CLPB: variants seen among roughly 807,000 people sequenced by gnomAD.
CLPB encodes mitochondrial disaggregase.
CLPB carries 40 observed loss-of-function variants against 78.4 expected under a neutral mutation model. The ratio of observed to expected loss-of-function variants is 0.51; its 90% confidence interval spans 0.40 to 0.66. CLPB has a LOEUF of 0.66. Ranked by LOEUF, CLPB falls within the 30% of genes least tolerant of loss-of-function variation. The pLI, the probability that CLPB is intolerant of heterozygous loss-of-function variation, is 0.00. For missense variants in CLPB, 780 were observed against 886.9 expected (o/e 0.88, Z 1.53); for synonymous variants, 333 against 348.0 (o/e 0.96, Z 0.48).
At chr11:72,319,674 T>G (rs1274490246) in intron 6 of CLPB, among the ~76,000 whole-genome samples, 1 of 152,214 alleles carries the variant, frequency 6.6e-6, no homozygotes, top group East Asian at 1.9e-4. Context: ...GTAGGATCCT[T>G]GTGGAATGCC....
rs1364507472 is a variant in CLPB at position 72,289,935 on chromosome 11, T to C, written c.*3432A>G. 2 of 152,190 alleles carry C rather than the reference T, an allele frequency of 1.3e-5. No individual in the cohort carries two copies. The highest frequency in any genetic ancestry group is 4.8e-5 in the African/African-American group (2 of 41,430). The allele number at this position is 152,190 out of a possible 1,614,324, so 9.4% of individuals were successfully genotyped here. The stretch of plus-strand genomic sequence containing the variant: ...ATAAATTCAGGTGCTTGTATTTGCA[T>C]GTTTTAACATATATACATATATGTT... On this transcript the variant is annotated 3_prime_UTR_variant, in exon 16 of 16. Transcript: ENST00000538039.
chr11:72,391,773 C>A (rs1855260472), intron 3 of CLPB, among the ~76,000 whole-genome samples: 1 of 152,158 alleles, frequency 6.6e-6, no homozygotes, highest in South Asian at 2.1e-4. Flanking sequence ...GGAGGGTGGT[C>A]ACTAAGTGGC....
chr11:72,295,689 G>A (rs755307884), intron 11 of CLPB, 41 bp from the exon 12 acceptor site: 2 of 1,606,164 alleles, frequency 1.2e-6, no homozygotes, highest in African/African-American at 2.7e-5. Context: ...AGGGAGCTAT[G>A]TGCCTGGGCA....
At chr11:72,313,995 C>T (rs1949894287) in intron 7 of CLPB, among the ~76,000 whole-genome samples, 1 of 152,142 alleles carries the variant, frequency 6.6e-6, no homozygotes, top group Non-Finnish European at 1.5e-5. Flanking sequence ...AACTCCACAA[C>T]CCAGGGATGA....
At chr11:72,400,279 T>A (rs1855524090) in intron 3 of CLPB, among the ~76,000 whole-genome samples, 1 of 152,188 alleles carries the variant, frequency 6.6e-6, no homozygotes, top group African/African-American at 2.4e-5. Flanking sequence ...GTGTGCTATT[T>A]TCAGTAAAAA....
chr11:72,337,850 T>A (rs527473798), intron 5 of CLPB, among the ~76,000 whole-genome samples: 1 of 152,248 alleles, frequency 6.6e-6, no homozygotes, highest in South Asian at 2.1e-4. Context: ...GATAGACAGC[T>A]TTGTAGAAAG....
chr11:72,318,077 A>G (rs1949981033), intron 6 of CLPB, among the ~76,000 whole-genome samples: 1 of 152,204 alleles, frequency 6.6e-6, no homozygotes. Flanking sequence ...AAAACACAAA[A>G]ACCTACTTGA....
intron 5 of CLPB, among the ~76,000 whole-genome samples, chr11:72,346,448 T>G (rs2135580353): frequency 6.6e-6 from 1 of 152,106 alleles, no homozygotes; most frequent in South Asian, 2.1e-4. Flanking sequence ...GGTACTCAGA[T>G]TTCACACTCT....
chr11:72,345,722 A>G (rs983628491), intron 5 of CLPB, among the ~76,000 whole-genome samples: 3 of 152,238 alleles, frequency 2.0e-5, no homozygotes, highest in African/African-American at 7.2e-5. Context: ...TAAAACTGAG[A>G]GCAAATTGAA....
At chr11:72,341,090 G>A (rs1158069426) in intron 5 of CLPB, among the ~76,000 whole-genome samples, 5 of 152,170 alleles carry the variant, frequency 3.3e-5, no homozygotes, top group Admixed American at 2.6e-4. Flanking sequence ...AAAGTGCTGG[G>A]ATTACAGGCG....
At chr11:72,390,921 C>A (rs750446932) in intron 3 of CLPB, among the ~76,000 whole-genome samples, 1 of 152,174 alleles carries the variant, frequency 6.6e-6, no homozygotes, top group Non-Finnish European at 1.5e-5. Context: ...GTGTCCACCA[C>A]TGGGGGGACA....
intron 2 of CLPB, among the ~76,000 whole-genome samples, chr11:72,409,477 G>C (rs769789883): frequency 1.3e-5 from 2 of 151,768 alleles, no homozygotes; most frequent in African/African-American, 4.8e-5. Flanking sequence ...CCAGCTACTC[G>C]GGTGGCTGAC....
At chr11:72,432,970 T>C (rs1856589902) in intron 1 of CLPB, among the ~76,000 whole-genome samples, 1 of 152,202 alleles carries the variant, frequency 6.6e-6, no homozygotes, top group South Asian at 2.1e-4. Context: ...CCTGAATGGC[T>C]GGACTCACAT....
At chr11:72,332,455 C>G (rs1315463058) in intron 5 of CLPB, among the ~76,000 whole-genome samples, 1 of 151,886 alleles carries the variant, frequency 6.6e-6, no homozygotes, top group East Asian at 1.9e-4. Flanking sequence ...CGCCACTGCA[C>G]TCCAGTCTGG....
chr11:72,373,427 A>T (rs1951081752), intron 4 of CLPB, among the ~76,000 whole-genome samples: 1 of 152,168 alleles, frequency 6.6e-6, no homozygotes, highest in African/African-American at 2.4e-5. Context: ...CCCACCCATC[A>T]GCCAGCCACA....
chr11:72,366,958 G>A (rs954047320), intron 4 of CLPB, among the ~76,000 whole-genome samples: 1 of 152,064 alleles, frequency 6.6e-6, no homozygotes, highest in African/African-American at 2.4e-5. Flanking sequence ...CGATAGCAAA[G>A]ACACAGAATC....
intron 3 of CLPB, among the ~76,000 whole-genome samples, chr11:72,394,727 A>G (rs933892110): frequency 2.0e-5 from 3 of 152,224 alleles, no homozygotes; most frequent in Non-Finnish European, 4.4e-5. Flanking sequence ...TTACTCAGAG[A>G]TAATCGGCCA....
At chr11:72,408,131 T>A in intron 2 of CLPB, 2 of 1,535,032 alleles carry the variant, frequency 1.3e-6, no homozygotes, top group Non-Finnish European at 1.7e-6. Flanking sequence ...AATCTTGGTG[T>A]TCTTCAGTGA....
chr11:72,367,579 A>G (rs1182398950), intron 4 of CLPB, among the ~76,000 whole-genome samples: 1 of 152,154 alleles, frequency 6.6e-6, no homozygotes, highest in Non-Finnish European at 1.5e-5. Context: ...ACCCTGTTGG[A>G]TGGCAACAAT....
Sources: allele counts gnomAD v4.1 joint callset (sites outside exome capture counted in the v4.1 genomes callset), GRCh38; gene constraint gnomAD v4.1.1; transcripts MANE v1.5; gene names NCBI Gene and HGNC (gene_info 2026-07-23, HGNC 2026-07-21).